The following BMPR1A variants were observed in gnomAD, a reference collection of about 807,000 sequenced individuals.
BMPR1A encodes the protein bone morphogenetic protein receptor type 1A, also known as bone morphogenetic protein receptor type-1A.
BMPR1A carries 7 observed loss-of-function variants against 66.0 expected under a neutral mutation model. The observed-to-expected ratio is 0.11, with a 90% CI of 0.06 to 0.20. The LOEUF is 0.20. Ranked by LOEUF, BMPR1A falls within the 10% of genes least tolerant of loss-of-function variation. The pLI is 1.00. For synonymous variants in BMPR1A, 200 were observed against 229.7 expected (o/e 0.87, Z 1.17); for missense variants, 408 against 669.1 (o/e 0.61, Z 4.31).
chr10:86,901,086 A>G (rs900702671), intron 7 of BMPR1A, among the ~76,000 whole-genome samples: 1 of 152,224 alleles, frequency 6.6e-6, no homozygotes, highest in East Asian at 1.9e-4. Context: ...GCATCATGCT[A>G]TGTGGACACT....
At chr10:86,777,931 T>G (rs1445445792) in intron 1 of BMPR1A, among the ~76,000 whole-genome samples, 1 of 151,574 alleles carries the variant, frequency 6.6e-6, no homozygotes, top group Non-Finnish European at 1.5e-5. Flanking sequence ...GAGAATTGCT[T>G]GAACCCAGGA....
intron 1 of BMPR1A, among the ~76,000 whole-genome samples, chr10:86,833,333 T>G (rs1370775217): frequency 6.6e-6 from 1 of 152,198 alleles, no homozygotes; most frequent in Non-Finnish European, 1.5e-5. Context: ...TGAAGCATAG[T>G]TATATTTTAG....
At chr10:86,829,467 A>G (rs1490906665) in intron 1 of BMPR1A, among the ~76,000 whole-genome samples, 1 of 152,128 alleles carries the variant, frequency 6.6e-6, no homozygotes, top group Non-Finnish European at 1.5e-5. Flanking sequence ...CTAGAAATTG[A>G]CATTGGTACA....
chr10:86,834,827 C>T (rs1842318763), intron 1 of BMPR1A, among the ~76,000 whole-genome samples: 1 of 151,722 alleles, frequency 6.6e-6, no homozygotes, highest in African/African-American at 2.4e-5. Context: ...AAGAACCCAA[C>T]TGAAATGTTT....
chr10:86,789,403 G>A (rs188440512), intron 1 of BMPR1A, among the ~76,000 whole-genome samples: 19 of 152,270 alleles, frequency 1.2e-4, no homozygotes, highest in African/African-American at 3.8e-4. Context: ...AGCAGCTTGT[G>A]TCTAGAATAC....
chr10:86,765,968 G>A (rs1317833857), intron 1 of BMPR1A, among the ~76,000 whole-genome samples: 1 of 139,380 alleles, frequency 7.2e-6, no homozygotes, highest in Non-Finnish European at 1.6e-5. Context: ...TTTTATGTCA[G>A]TAAATTTCAA....
intron 1 of BMPR1A, among the ~76,000 whole-genome samples, chr10:86,835,705 T>C (rs4933417): frequency 0.22 from 32,986 of 151,914 alleles, 4,683 homozygotes; most frequent in East Asian, 0.63. Flanking sequence ...ATAACTGTTA[T>C]GATATCCATA....
At chr10:86,825,242 T>C (rs1842178096) in intron 1 of BMPR1A, among the ~76,000 whole-genome samples, 1 of 151,970 alleles carries the variant, frequency 6.6e-6, no homozygotes, top group East Asian at 1.9e-4. Flanking sequence ...GTGCTAGGAT[T>C]ACAGGGTTAG....
At chr10:86,817,537 A>C (rs982868676) in intron 1 of BMPR1A, among the ~76,000 whole-genome samples, 4 of 152,224 alleles carry the variant, frequency 2.6e-5, no homozygotes, top group African/African-American at 9.6e-5. Context: ...GTTGTGAATA[A>C]TGCTGCCATT....
intron 1 of BMPR1A, among the ~76,000 whole-genome samples, chr10:86,822,103 C>G (rs1842128165): frequency 6.6e-6 from 1 of 152,176 alleles, no homozygotes; most frequent in Non-Finnish European, 1.5e-5. Context: ...GCTGGGATTA[C>G]AGACCCGAGC....
At chr10:86,823,821 G>A (rs1216629993) in intron 1 of BMPR1A, among the ~76,000 whole-genome samples, 1 of 152,076 alleles carries the variant, frequency 6.6e-6, no homozygotes, top group Non-Finnish European at 1.5e-5. Context: ...CTCCCTCCTT[G>A]CATAGTATCA....
intron 2 of BMPR1A, among the ~76,000 whole-genome samples, chr10:86,854,351 C>A (rs971165489): frequency 1.3e-5 from 2 of 152,140 alleles, no homozygotes; most frequent in Non-Finnish European, 2.9e-5. Context: ...CCTGAGGTGA[C>A]ATACATCCTC....
At chr10:86,798,696 A>G (rs529232553) in intron 1 of BMPR1A, among the ~76,000 whole-genome samples, 1 of 152,290 alleles carries the variant, frequency 6.6e-6, no homozygotes, top group Admixed American at 6.5e-5. Context: ...TACCTTTCCA[A>G]TTGTATTGAG....
intron 2 of BMPR1A, among the ~76,000 whole-genome samples, chr10:86,864,323 C>G (rs904189503): frequency 6.6e-6 from 1 of 152,206 alleles, no homozygotes; most frequent in African/African-American, 2.4e-5. Flanking sequence ...CACTAATTCC[C>G]TTGATGGTCG....
At chr10:86,810,901 TTG>T (rs3086853) in intron 1 of BMPR1A, among the ~76,000 whole-genome samples, 118,607 of 151,458 alleles carry the variant, frequency 0.78, 47,219 homozygotes, top group African/African-American at 0.93. Flanking sequence ...AGCACAACAT[TTG>T]TGTGTGTGTG....
chr10:86,906,723 C>CAAAAAAAAAAAAAAAAAAAAAAAAAAAAA, intron 7 of BMPR1A, among the ~76,000 whole-genome samples: 1 of 10,698 alleles, frequency 9.3e-5, no homozygotes, highest in South Asian at 8.3e-3. Flanking sequence ...GACTCCGTCT[C>CAAAAAAAAAAAAAAAAAAAAAAAAAAAAA]AAAAAAAAAA....
At chr10:86,803,459 C>T (rs1841841203) in intron 1 of BMPR1A, among the ~76,000 whole-genome samples, 1 of 152,068 alleles carries the variant, frequency 6.6e-6, no homozygotes, top group Non-Finnish European at 1.5e-5. Context: ...TTTTTTTCCC[C>T]ATTACAGTAG....
chr10:86,815,697 A>T (rs1196937600), intron 1 of BMPR1A, among the ~76,000 whole-genome samples: 1 of 152,220 alleles, frequency 6.6e-6, no homozygotes, highest in Non-Finnish European at 1.5e-5. Flanking sequence ...GGAATCTAGG[A>T]CTGAGATCCT....
At chr10:86,768,419 TA>T (rs1256813246) in intron 1 of BMPR1A, among the ~76,000 whole-genome samples, 4 of 152,212 alleles carry the variant, frequency 2.6e-5, no homozygotes, top group African/African-American at 9.6e-5. Flanking sequence ...TGCTGATTGT[TA>T]ATGGATGGCA....
Sources: gnomAD v4.1 joint callset for allele counts (sites outside exome capture counted in the v4.1 genomes callset) on GRCh38, gnomAD v4.1.1 for gene constraint, MANE v1.5 for transcripts, NCBI Gene and HGNC (gene_info 2026-07-23, HGNC 2026-07-21) for gene names.